Variants in BCAS1 observed in about 807,000 individuals in gnomAD.
BCAS1 encodes breast carcinoma-amplified sequence 1.
BCAS1 carries 46 observed loss-of-function variants against 65.4 expected under a neutral mutation model. The ratio of observed to expected loss-of-function variants is 0.70; its 90% confidence interval spans 0.55 to 0.90. The LOEUF is 0.90. Ranked by LOEUF, BCAS1 falls within the 40% of genes least tolerant of loss-of-function variation. The pLI is 0.00. For synonymous variants in BCAS1, 298 were observed against 293.5 expected, an observed-to-expected ratio of 1.02 and a Z score of -0.16; for missense variants, 793 against 771.2, an observed-to-expected ratio of 1.03 and a Z score of -0.33.
intron 3 of BCAS1, among the ~76,000 whole-genome samples, chr20:54,047,999 G>C (rs2092142438): frequency 6.6e-6 from 1 of 152,186 alleles, no homozygotes; most frequent in Non-Finnish European, 1.5e-5. Flanking sequence ...TACATCCATA[G>C]TTGAGCATAG....
intron 12 of BCAS1, among the ~76,000 whole-genome samples, chr20:53,946,711 G>A (rs1837995242): frequency 6.7e-6 from 1 of 148,902 alleles, no homozygotes; most frequent in Admixed American, 6.7e-5. Flanking sequence ...GTATAGTTTA[G>A]TCCACTGTAT....
intron 3 of BCAS1, among the ~76,000 whole-genome samples, chr20:54,039,356 T>C (rs1374910711): frequency 6.6e-6 from 1 of 151,432 alleles, no homozygotes; most frequent in African/African-American, 2.4e-5. Context: ...TTTTGGAACA[T>C]CATGGTAGAA....
intron 9 of BCAS1, among the ~76,000 whole-genome samples, 154 bp downstream of exon 9, chr20:53,975,235 C>A (rs185341166): frequency 6.6e-6 from 1 of 152,238 alleles, no homozygotes; most frequent in Admixed American, 6.5e-5. Context: ...ATCCTCCATG[C>A]GTCCCTAATC....
intron 10 of BCAS1, among the ~76,000 whole-genome samples, chr20:53,961,938 C>T (rs947377427): frequency 1.6e-4 from 24 of 146,412 alleles, no homozygotes; most frequent in East Asian, 7.9e-4. Context: ...AAATGAGATA[C>T]TGCGTGCAAA....
chr20:53,944,905 G>A lies in BCAS1; in HGVS notation c.*17C>T, dbSNP rs919949694. 3 of 1,612,452 alleles carry A rather than the reference G, an allele frequency of 1.9e-6. No homozygotes were observed. Among genetic ancestry groups the A allele is most frequent in the African/African-American group, 2.7e-5 (2 of 74,852 alleles). On this transcript the variant is annotated 3_prime_UTR_variant, in exon 13 of 13. Coordinates refer to ENST00000688948, the MANE Select transcript of BCAS1 (RefSeq NM_001366298.2). ...TCTTGGTGGCAGGAGAACCTGGTGGGAACCGTGCTGATTTGTTTACTTGGA... is the reference window on the plus strand; with the variant it reads ...TCTTGGTGGCAGGAGAACCTGGTGGAAACCGTGCTGATTTGTTTACTTGGA...
intron 4 of BCAS1, among the ~76,000 whole-genome samples, chr20:54,019,999 C>T (rs2091522702): frequency 6.6e-6 from 1 of 152,244 alleles, no homozygotes; most frequent in African/African-American, 2.4e-5. Context: ...AATAAACTCC[C>T]TTTCACATAT....
intron 4 of BCAS1, among the ~76,000 whole-genome samples, chr20:54,012,929 T>G (rs1271907510): frequency 6.6e-6 from 1 of 152,232 alleles, no homozygotes; most frequent in African/African-American, 2.4e-5. Context: ...TTCTATCTCC[T>G]TTCCTTCAGA....
chr20:54,022,272 T>A (rs2091577260), intron 4 of BCAS1, among the ~76,000 whole-genome samples: 1 of 147,766 alleles, frequency 6.8e-6, no homozygotes, highest in South Asian at 2.2e-4. Flanking sequence ...AGTGAACCAC[T>A]ATTAATTGAT....
At chr20:54,014,255 G>A (rs1042219456) in intron 4 of BCAS1, among the ~76,000 whole-genome samples, 7 of 152,208 alleles carry the variant, frequency 4.6e-5, no homozygotes, top group African/African-American at 1.7e-4. Context: ...GCAAACAGGC[G>A]TCCGTGGTGT....
intron 1 of BCAS1, among the ~76,000 whole-genome samples, chr20:54,064,962 T>TA (rs1308789313): frequency 2.6e-5 from 4 of 152,154 alleles, no homozygotes; most frequent in African/African-American, 7.2e-5. Flanking sequence ...CATGTCCTGA[T>TA]ACATCGTGGT....
In BCAS1 at chr20:54,028,818, G is replaced by C. The variant is rs376388302; in HGVS notation, c.297C>G (p.Leu99=). 2 of 1,613,966 alleles carry C rather than the reference G, an allele frequency of 1.2e-6. No homozygotes were observed. Among genetic ancestry groups the C allele is most frequent in the Non-Finnish European group, 8.5e-7 (1 of 1,180,038 alleles). The change falls in exon 4 of 13, where the codon CTC becomes CTG. Residue 99 remains leucine (L), a synonymous_variant. Transcript: ENST00000688948. ...PAAKSRFFLM[L]SRPVPGRTGD... ...CGGTACGTCCTGGTACAGGCCGAGAGAGCATCAAGAAAAAACGAGATTTAG... is the reference window on the plus strand; with the variant it reads ...CGGTACGTCCTGGTACAGGCCGAGACAGCATCAAGAAAAAACGAGATTTAG...
intron 12 of BCAS1, among the ~76,000 whole-genome samples, chr20:53,953,057 C>A (rs2089577322): frequency 6.6e-6 from 1 of 152,182 alleles, no homozygotes; most frequent in African/African-American, 2.4e-5. Context: ...AGACACTGAA[C>A]AAAACTGATG....
chr20:54,006,728 GT>G (rs2091204451), intron 4 of BCAS1, among the ~76,000 whole-genome samples: 1 of 147,328 alleles, frequency 6.8e-6, no homozygotes, highest in Non-Finnish European at 1.5e-5. Context: ...AAAAAAAAAA[GT>G]TGGATTGAAC....
intron 1 of BCAS1, among the ~76,000 whole-genome samples, chr20:54,064,155 C>G (rs6022939): frequency 6.6e-6 from 1 of 152,318 alleles, no homozygotes. Flanking sequence ...TGAGAACCTC[C>G]CACAGAGTTC....
In BCAS1 at chr20:54,058,132, CCGTTCAGA is replaced by C. The variant is rs775926312; in HGVS notation, c.87_94del (p.Leu30GlyfsTer26). The C allele has an allele frequency of 9.9e-6, 16 of 1,614,034 alleles. No homozygotes were observed. The Middle Eastern group carries it at 1.3e-3, about 133-fold the overall frequency. Reference sequence around the variant, plus strand: ...GTGGGTCGACACCACCACTGGAACCCCGTTCAGAGCAGACGCGTTGTCCTGAAACAGAG... The same window carrying C: ...GTGGGTCGACACCACCACTGGAACCCGCAGACGCGTTGTCCTGAAACAGAG... On this transcript the variant is annotated frameshift_variant, in exon 3 of 13. Transcript: ENST00000688948. LOFTEE classifies it high-confidence loss of function.
chr20:53,952,284 A>G (rs780153669), intron 12 of BCAS1, among the ~76,000 whole-genome samples: 12 of 152,266 alleles, frequency 7.9e-5, no homozygotes, highest in Non-Finnish European at 1.2e-4. Context: ...TCCTTGAGAT[A>G]CAGCCTTGAA....
chr20:53,974,596 G>A (rs1344559083), intron 9 of BCAS1, among the ~76,000 whole-genome samples: 1 of 152,178 alleles, frequency 6.6e-6, no homozygotes, highest in Non-Finnish European at 1.5e-5. Context: ...CCCAGAACAA[G>A]TTTTGCTTTG....
At chr20:54,045,201 A>C (rs117641011) in intron 3 of BCAS1, among the ~76,000 whole-genome samples, 1 of 142,944 alleles carries the variant, frequency 7.0e-6, no homozygotes, top group East Asian at 2.1e-4. Flanking sequence ...ACAGAGCAAG[A>C]CCTCATCTCA....
intron 12 of BCAS1, among the ~76,000 whole-genome samples, chr20:53,947,486 G>A (rs1413373613): frequency 6.6e-6 from 1 of 152,086 alleles, no homozygotes; most frequent in Admixed American, 6.6e-5. Context: ...TCCCTTTCTG[G>A]TTGCATGACC....
Sources: gnomAD v4.1 joint callset for allele counts (sites outside exome capture counted in the v4.1 genomes callset) on GRCh38, gnomAD v4.1.1 for gene constraint, MANE v1.5 for transcripts, NCBI Gene and HGNC (gene_info 2026-07-23, HGNC 2026-07-21) for gene names.